LRRC27: variants seen among roughly 807,000 people sequenced by gnomAD.
LRRC27 encodes the protein leucine-rich repeat-containing protein 27.
A neutral mutation model predicts 55.0 loss-of-function variants in LRRC27; 57 were observed. The observed-to-expected ratio is 1.04, with a 90% CI of 0.84 to 1.29. The LOEUF is 1.29. LRRC27 is among the 50% of genes most tolerant of loss of function. The pLI is 0.00. For missense variants in LRRC27, 721 were observed against 651.5 expected, an observed-to-expected ratio of 1.11 and a Z score of -1.16; for synonymous variants, 278 against 251.9, an observed-to-expected ratio of 1.10 and a Z score of -0.98.
At chr10:132,336,335 GCA>G (rs1481201887) in intron 2 of LRRC27, among the ~76,000 whole-genome samples, 97 of 152,322 alleles carry the variant, frequency 6.4e-4, no homozygotes, top group African/African-American at 2.2e-3. Context: ...ATACGTGGGG[GCA>G]CACACTGTGA....
chr10:132,342,083 T>A (rs988348172), intron 3 of LRRC27, 130 bp from the exon 4 acceptor site: 6 of 616,636 alleles, frequency 9.7e-6, no homozygotes, highest in African/African-American at 1.9e-5. Context: ...GTACATGTTG[T>A]AAATTTAAGT....
rs2069314846 is a variant in LRRC27, at chr10:132,375,119, C to T, written c.1470C>T (p.Asn490=). The part of the protein sequence containing the change: ...VLKLKLGLTL[N]KDRRRAALTG... ...AGCTAAAATTGGGATTAACCTTGAACAAAGATCGTCGACGGGCGGCCCTCA... is the reference window on the plus strand; with the variant it reads ...AGCTAAAATTGGGATTAACCTTGAATAAAGATCGTCGACGGGCGGCCCTCA... Residue 490 remains asparagine, a synonymous_variant, in exon 11 of 11, where the codon AAC becomes AAT. Coordinates refer to ENST00000368614, the MANE Select transcript of LRRC27 (RefSeq NM_030626.3). 1 of 1,613,926 alleles carries T rather than the reference C, an allele frequency of 6.2e-7. No individual in the cohort carries two copies. The highest frequency in any genetic ancestry group is 8.5e-7 in the Non-Finnish European group (1 of 1,179,946).
chr10:132,348,412 T>C lies in LRRC27; in HGVS notation c.926+56T>C. 1 of 1,561,014 alleles carries C rather than the reference T, an allele frequency of 6.4e-7. No individual in the cohort carries two copies. Among genetic ancestry groups the C allele is most frequent in the Non-Finnish European group, 8.7e-7 (1 of 1,155,214 alleles). The stretch of plus-strand genomic sequence containing the variant: ...TGATCTTTGCGAATTTATACAGTTA[T>C]TTTAAATTATCTTTGAAAACATCAG... On this transcript the variant is annotated intron_variant, in intron 6 of 10. Transcript: ENST00000368614. This position sits in a 1 kb window ranked among gnomAD's most constrained non-coding sequence, Gnocchi z 4.2.
intron 2 of LRRC27, chr10:132,336,641 A>G (rs1397339620): frequency 3.1e-6 from 2 of 649,866 alleles, no homozygotes; most frequent in Admixed American, 2.9e-5. Context: ...GCTTGCCCAC[A>G]TTGCCCCGTC....
rs1473063093 is a variant in LRRC27 at position 132,380,834 on chromosome 10, G to A, written c.*5592G>A. On this transcript the variant is annotated 3_prime_UTR_variant, in exon 11 of 11. Transcript: ENST00000368614. ...AAAGTTGAATTTCTTGATATGTTCC[G>A]TAGATTGAGGTTTACAGCTGCGGTT... is the stretch of plus-strand genomic sequence containing the variant. Among the ~76,000 whole-genome samples, 18 of 152,186 alleles carry A rather than the reference G, an allele frequency of 1.2e-4. No individual in the cohort carries two copies. The highest frequency in any genetic ancestry group is 9.8e-4 in the Admixed American group (15 of 15,274).
intron 9 of LRRC27, among the ~76,000 whole-genome samples, chr10:132,362,227 C>A (rs1040584164): frequency 6.6e-6 from 1 of 152,116 alleles, no homozygotes; most frequent in Admixed American, 6.5e-5. Context: ...TTGTCATCCC[C>A]GGGAAAGGCA....
At chr10:132,356,649 G>A (rs1433635803) in intron 8 of LRRC27, among the ~76,000 whole-genome samples, 1 of 152,198 alleles carries the variant, frequency 6.6e-6, no homozygotes, top group Non-Finnish European at 1.5e-5. Flanking sequence ...TAAGCTATGG[G>A]ACACGGGACA....
At position 132,337,563 on chromosome 10, in the gene LRRC27, A is replaced by G. The variant is rs368815997; in HGVS notation, c.211-2A>G. 1 of 1,611,618 alleles carries G rather than the reference A, an allele frequency of 6.2e-7. No homozygotes were observed. Among genetic ancestry groups the G allele is most frequent in the African/African-American group, 1.3e-5 (1 of 74,806 alleles). ...ATTCTCTGATTCTCTTTTCCATGGAAGCAATTGCATCTGCAAAGGAATGCC... is the reference window on the plus strand; with the variant it reads ...ATTCTCTGATTCTCTTTTCCATGGAGGCAATTGCATCTGCAAAGGAATGCC... On this transcript the variant is annotated splice_acceptor_variant, in intron 2 of 10. Coordinates refer to ENST00000368614, the MANE Select transcript of LRRC27 (RefSeq NM_030626.3). LOFTEE classifies it high-confidence loss of function.
At chr10:132,356,223 G>A (rs1366424086) in intron 8 of LRRC27, among the ~76,000 whole-genome samples, 4 of 152,204 alleles carry the variant, frequency 2.6e-5, no homozygotes, top group Non-Finnish European at 4.4e-5. Flanking sequence ...GAGGGAAGGC[G>A]GAAGAGGAGA....
At chr10:132,330,410 T>C (rs1227671730), upstream of LRRC27, 1 of 717,054 alleles carries the variant, frequency 1.4e-6, no homozygotes, top group East Asian at 2.7e-5. Flanking sequence ...ATGTCACTCC[T>C]CATTCTCTCC....
At chr10:132,358,559 G>A (rs1233612109) in intron 8 of LRRC27, among the ~76,000 whole-genome samples, 6 of 126,910 alleles carry the variant, frequency 4.7e-5, no homozygotes, top group African/African-American at 1.8e-4. Context: ...CCGAGGTGGT[G>A]GAGCAGTGTG....
At chr10:132,335,348 C>T (rs917716609) in intron 2 of LRRC27, 2 of 152,148 alleles carry the variant, frequency 1.3e-5, no homozygotes, top group African/African-American at 2.4e-5. Flanking sequence ...GGCACAGGTT[C>T]CTCCCCCAGA....
intron 1 of LRRC27, chr10:132,332,488 T>G (rs1245989213): frequency 2.0e-5 from 3 of 152,224 alleles, no homozygotes; most frequent in Non-Finnish European, 4.4e-5. Flanking sequence ...GGGGATCCCT[T>G]GAAGGCAGCC....
rs1480611654 is a variant in LRRC27 at position 132,375,461 on chromosome 10, C to T, written c.*219C>T. The T allele has an allele frequency of 2.8e-5, 13 of 470,204 alleles. No homozygotes were observed. In the East Asian group the frequency reaches 3.7e-4, roughly 13 times the overall value. 29.1% of individuals were successfully genotyped at this position (470,204 alleles called of 1,614,324 possible). On this transcript the variant is annotated 3_prime_UTR_variant, in exon 11 of 11. Coordinates refer to ENST00000368614, the MANE Select transcript of LRRC27 (RefSeq NM_030626.3). ...ATTAAAAGAAAGGACACTGTGAGCA[C>T]GTGGTCTCGCCTTCCCTTCTTCCTG...
intron 10 of LRRC27, chr10:132,366,744 C>T (rs10870299): frequency 0.19 from 173,371 of 902,158 alleles, 18,055 homozygotes; most frequent in African/African-American, 0.41. Context: ...CCCCAGAGCA[C>T]GCAGCACTGT....
At position 132,351,700 on chromosome 10, in the gene LRRC27, G is replaced by A. The variant is rs377144543; in HGVS notation, c.1020G>A (p.Ala340=). The A allele has an allele frequency of 4.0e-5, 65 of 1,613,744 alleles. No individual in the cohort carries two copies. The highest frequency in any genetic ancestry group is 2.9e-4 in the South Asian group (26 of 91,094). The change falls in exon 7 of 11, where the codon GCG becomes GCA. Residue 340 remains alanine, a synonymous_variant. Coordinates refer to ENST00000368614, the MANE Select transcript of LRRC27 (RefSeq NM_030626.3). The part of the protein sequence containing the change: ...IRAKRLEESR[A]AALRELQEKQ... ...CAAAAAGACTGGAAGAGAGCCGAGCGGCGGCGCTCCGAGAGCTCCAGGAGA... is the reference window on the plus strand; with the variant it reads ...CAAAAAGACTGGAAGAGAGCCGAGCAGCGGCGCTCCGAGAGCTCCAGGAGA...
intron 9 of LRRC27, among the ~76,000 whole-genome samples, chr10:132,364,915 GCT>G (rs969284222): frequency 1.3e-5 from 1 of 75,034 alleles, no homozygotes; most frequent in Non-Finnish European, 3.4e-5. Flanking sequence ...CAGATCCCCA[GCT>G]CTTTCTACCA....
In LRRC27 at chr10:132,348,272, A is replaced by G; in HGVS notation, c.842A>G (p.Gln281Arg). The change falls in exon 6 of 11, where the codon CAG (glutamine) becomes CGG (arginine). Residue 281 changes from glutamine to arginine, a missense_variant. By Grantham distance (43) the Gln-to-Arg change is conservative (BLOSUM62 1). Coordinates refer to ENST00000368614, the MANE Select transcript of LRRC27 (RefSeq NM_030626.3). This position sits in a 1 kb window ranked among gnomAD's most constrained non-coding sequence, Gnocchi z 4.2. Reference protein sequence around the residue: ...EHVKADVLGDQLLTRELPPNL... With the variant: ...EHVKADVLGDRLLTRELPPNL... Reference sequence around the variant, plus strand: ...GTGAAGGCAGACGTTCTGGGAGATCAGCTCTTGACGAGGGAATTACCTCCA... The same window carrying G: ...GTGAAGGCAGACGTTCTGGGAGATCGGCTCTTGACGAGGGAATTACCTCCA... 1 of 1,614,096 alleles carries G rather than the reference A, an allele frequency of 6.2e-7. No individual in the cohort carries two copies.
rs2069395687 is a variant in LRRC27, at chr10:132,380,369, A to G, written c.*5127A>G. On this transcript the variant is annotated 3_prime_UTR_variant, in exon 11 of 11. Transcript: ENST00000368614. The stretch of plus-strand genomic sequence containing the variant: ...GCAGTCCACAGTGTGCTGCTGGAAT[A>G]ATTACAAAGCCACCTCCTGTTGCTA... Among the ~76,000 whole-genome samples, 1 of 152,190 alleles carries G rather than the reference A, an allele frequency of 6.6e-6. No individual in the cohort carries two copies. Among genetic ancestry groups the G allele is most frequent in the African/African-American group, 2.4e-5 (1 of 41,450 alleles).
Sources: gnomAD v4.1 joint callset for allele counts (sites outside exome capture counted in the v4.1 genomes callset) on GRCh38, gnomAD v4.1.1 for gene constraint, Gnocchi (gnomAD v3.1) non-coding constraint, MANE v1.5 for transcripts, NCBI Gene and HGNC (gene_info 2026-07-23, HGNC 2026-07-21) for gene names.